PREX1: variants seen among roughly 807,000 people sequenced by gnomAD.
PREX1 encodes the protein phosphatidylinositol 3,4,5-trisphosphate-dependent Rac exchanger 1 protein.
PREX1 carries 41 observed loss-of-function variants against 198.3 expected under a neutral mutation model. That is an observed-to-expected ratio of 0.21 (90% confidence interval 0.16 to 0.27). PREX1 has a LOEUF of 0.27. Ranked by LOEUF, PREX1 falls within the 10% of genes least tolerant of loss-of-function variation. The pLI, the probability that PREX1 is intolerant of heterozygous loss-of-function variation, is 1.00. For missense variants in PREX1, 1,620 were observed against 2,200.7 expected, an observed-to-expected ratio of 0.74 and a Z score of 5.28; for synonymous variants, 843 against 887.2, an observed-to-expected ratio of 0.95 and a Z score of 0.89.
At chr20:48,641,846 GGAAGGAAGGAAGGAAGGA>G (rs2089414362) in intron 29 of PREX1, among the ~76,000 whole-genome samples, 51 of 17,824 alleles carry the variant, frequency 2.9e-3, no homozygotes, top group Admixed American at 0.013. Context: ...GAGAGAGGAA[GGAAGGAAGGAAGGAAGGA>G]AGGAAGGAAG....
chr20:48,863,753 A>AT, the PREX1 span, among the ~76,000 whole-genome samples: 1 of 151,782 alleles, frequency 6.6e-6, no homozygotes, highest in Non-Finnish European at 1.5e-5. Context: ...ACGCCTGGCT[A>AT]ATTTTTGTAT....
chr20:48,664,827 G>A (rs1347664807), intron 15 of PREX1, among the ~76,000 whole-genome samples: 2 of 148,156 alleles, frequency 1.3e-5, no homozygotes, highest in African/African-American at 2.5e-5. Context: ...GGCTCCAGAC[G>A]GCCTGAATTC....
chr20:48,625,980 T>C, intron 39 of PREX1, 53 bp from the exon 40 acceptor site: 1 of 1,454,798 alleles, frequency 6.9e-7, no homozygotes, highest in Non-Finnish European at 9.1e-7. Flanking sequence ...CCAGGACCTA[T>C]TTGTATTATT....
intron 1 of PREX1, among the ~76,000 whole-genome samples, chr20:48,825,169 A>G (rs1012209063): frequency 6.6e-6 from 1 of 152,218 alleles, no homozygotes; most frequent in Non-Finnish European, 1.5e-5. Context: ...TGGGATGTTT[A>G]GGGGCCATTC....
intron 1 of PREX1, among the ~76,000 whole-genome samples, chr20:48,750,066 C>T (rs1280282268): frequency 7.8e-6 from 1 of 128,772 alleles, no homozygotes; most frequent in Non-Finnish European, 1.8e-5. Flanking sequence ...TCACACCGAA[C>T]TCTTCCCCAC....
chr20:48,767,275 G>A (rs935009834), intron 1 of PREX1, among the ~76,000 whole-genome samples: 3 of 152,180 alleles, frequency 2.0e-5, no homozygotes, highest in Non-Finnish European at 2.9e-5. Context: ...GCTCACCAGG[G>A]ATTCTGCAAG....
At chr20:48,640,674 G>T (rs1349984225) in intron 29 of PREX1, among the ~76,000 whole-genome samples, 1 of 152,064 alleles carries the variant, frequency 6.6e-6, no homozygotes, top group Non-Finnish European at 1.5e-5. Flanking sequence ...TCATCTCAGG[G>T]TCTCCAGTGC....
In PREX1 at chr20:48,715,135, G is replaced by T. The variant is rs781035832; in HGVS notation, c.622-6714C>A. Among the ~76,000 whole-genome samples, 5 of 152,304 alleles carry T rather than the reference G, an allele frequency of 3.3e-5. 1 individual carries two copies. In the South Asian group the frequency reaches 8.3e-4, roughly 25 times the overall value. On this transcript the variant is annotated intron_variant, in intron 5 of 39. Coordinates refer to ENST00000371941, the MANE Select transcript of PREX1 (RefSeq NM_020820.4). ...GTGGAACAGATACATGAACTTCCAG[G>T]GTTTGGCCCAGAGAAGAGTATTTCT...
chr20:48,664,324 G>A lies in PREX1; in HGVS notation c.1738+1959C>T, dbSNP rs533998063. ...CAGGAGGTGGAGCTTGCAGTGAGCC[G>A]AGATCCTGCCACTGCACTCCAGCCT... On this transcript the variant is annotated intron_variant, in intron 15 of 39. Coordinates refer to ENST00000371941, the MANE Select transcript of PREX1 (RefSeq NM_020820.4). Among the ~76,000 whole-genome samples the A allele has an allele frequency of 3.3e-5, 5 of 151,462 alleles. No homozygotes were observed. The South Asian group carries it at 8.4e-4, about 25-fold the overall frequency.
At chr20:48,883,074 A>C in the PREX1 span, among the ~76,000 whole-genome samples, 1 of 151,824 alleles carries the variant, frequency 6.6e-6, no homozygotes. Context: ...CTGGAATTAC[A>C]GGCACATGCC....
chr20:48,740,595 G>A (rs1343512624), intron 3 of PREX1, among the ~76,000 whole-genome samples: 1 of 152,218 alleles, frequency 6.6e-6, no homozygotes, highest in East Asian at 1.9e-4. Flanking sequence ...CCACCTGTGT[G>A]CAAATCGCCA....
At chr20:48,838,301 T>C in the PREX1 span, among the ~76,000 whole-genome samples, 2 of 152,236 alleles carry the variant, frequency 1.3e-5, no homozygotes, top group Admixed American at 1.3e-4. Context: ...TGTTTCCTAA[T>C]TTAAAGATGC....
intron 20 of PREX1, among the ~76,000 whole-genome samples, chr20:48,653,119 G>A (rs533623285): frequency 8.5e-5 from 13 of 152,250 alleles, no homozygotes; most frequent in African/African-American, 3.1e-4. Context: ...AGAGGGTCTG[G>A]TCACACCCAT....
intron 1 of PREX1, among the ~76,000 whole-genome samples, chr20:48,790,380 C>A (rs578122039): frequency 2.6e-5 from 4 of 151,504 alleles, no homozygotes; most frequent in Non-Finnish European, 5.9e-5. Flanking sequence ...AAAGTAGGAA[C>A]GGAAGAGAGG....
intron 5 of PREX1, among the ~76,000 whole-genome samples, chr20:48,717,782 G>C (rs909374916): frequency 2.6e-5 from 4 of 152,220 alleles, no homozygotes; most frequent in Non-Finnish European, 5.9e-5. Context: ...AGAGAGGAAA[G>C]GGGGGTAAAG....
At chr20:48,677,750 T>C (rs2089719338) in intron 13 of PREX1, among the ~76,000 whole-genome samples, 1 of 152,078 alleles carries the variant, frequency 6.6e-6, no homozygotes, top group Non-Finnish European at 1.5e-5. Context: ...TCTGGGAGGC[T>C]GAGGCAGGCA....
At position 48,649,413 on chromosome 20, in the gene PREX1, G is replaced by T; in HGVS notation, c.3192C>A (p.Leu1064=). The T allele has an allele frequency of 6.2e-7, 1 of 1,614,192 alleles. No individual in the cohort carries two copies. Among genetic ancestry groups the T allele is most frequent in the Non-Finnish European group, 8.5e-7 (1 of 1,180,028 alleles). ...SGTLGQEDRG[L]SFLLKQEDRE... The stretch of plus-strand genomic sequence containing the variant: ...GGTCCTCCTGCTTGAGTAGGAAGCT[G>T]AGGCCCCGGTCTTCCTGACCAAGGG... The change falls in exon 25 of 40, where the codon CTC becomes CTA. Residue 1064 remains leucine (L), a synonymous_variant. Transcript: ENST00000371941.
chr20:48,682,055 C>G (rs1297143222), intron 10 of PREX1, among the ~76,000 whole-genome samples: 1 of 152,172 alleles, frequency 6.6e-6, no homozygotes, highest in Non-Finnish European at 1.5e-5. Context: ...CCCACACGGA[C>G]ATAAACAAGG....
At chr20:48,723,923 A>C (rs2089998459) in intron 5 of PREX1, among the ~76,000 whole-genome samples, 1 of 152,182 alleles carries the variant, frequency 6.6e-6, no homozygotes, top group Admixed American at 6.5e-5. Flanking sequence ...TGGAACCCAG[A>C]CTTTCGCAAG....
Sources: gnomAD v4.1 joint callset for allele counts (sites outside exome capture counted in the v4.1 genomes callset) on GRCh38, gnomAD v4.1.1 for gene constraint, MANE v1.5 for transcripts, NCBI Gene and HGNC (gene_info 2026-07-23, HGNC 2026-07-21) for gene names.